The following EHF variants were observed in gnomAD, a reference collection of about 807,000 sequenced individuals.
EHF encodes the protein ESE3 transcription factor.
Under a neutral mutation model 45.1 loss-of-function variants are expected in EHF, and 14 were observed. That is an observed-to-expected ratio of 0.31 (90% CI 0.21 to 0.49). The LOEUF (loss-of-function observed/expected upper bound fraction) is 0.49. Ranked by LOEUF, EHF falls within the 20% of genes least tolerant of loss-of-function variation. The pLI, the probability that EHF is intolerant of heterozygous loss-of-function variation, is 0.99. For missense variants in EHF, 282 were observed against 371.4 expected, an observed-to-expected ratio of 0.76 and a Z score of 1.98; for synonymous variants, 136 against 131.8, an observed-to-expected ratio of 1.03 and a Z score of -0.22.
chr11:34,638,045 G>T (rs1853622082), intron 1 of EHF, among the ~76,000 whole-genome samples: 1 of 152,030 alleles, frequency 6.6e-6, no homozygotes, highest in South Asian at 2.1e-4. Context: ...GGGATTACAG[G>T]CATGCACCAC....
At chr11:34,656,879 A>C in intron 6 of EHF, 29 bp from the exon 7 acceptor site, 1 of 1,610,354 alleles carries the variant, frequency 6.2e-7, no homozygotes, top group Non-Finnish European at 8.5e-7. Context: ...GAAATAGGTC[A>C]ATTAAACGCC....
chr11:34,628,982 G>A (rs1419031309), intron 1 of EHF, among the ~76,000 whole-genome samples: 1 of 152,166 alleles, frequency 6.6e-6, no homozygotes, highest in Non-Finnish European at 1.5e-5. Flanking sequence ...ACTGAGCTCT[G>A]CAAATGATGT....
chr11:34,636,116 T>G (rs1853377857), intron 1 of EHF, among the ~76,000 whole-genome samples: 1 of 152,138 alleles, frequency 6.6e-6, no homozygotes, highest in South Asian at 2.1e-4. Flanking sequence ...TCCTTGAGAG[T>G]TCAATAAAAT....
At chr11:34,657,801 A>G (rs1259416337) in intron 7 of EHF, among the ~76,000 whole-genome samples, 1 of 151,878 alleles carries the variant, frequency 6.6e-6, no homozygotes, top group Non-Finnish European at 1.5e-5. Context: ...GAAAAAAAAA[A>G]AAGGTATAAT....
chr11:34,636,445 C>T (rs286909), intron 1 of EHF, among the ~76,000 whole-genome samples: 42,231 of 152,120 alleles, frequency 0.28, 5,890 homozygotes, highest in Non-Finnish European at 0.31. Flanking sequence ...TCCCCAGTGC[C>T]AGCCAACACA....
At chr11:34,653,696 A>G (rs1855416094) in intron 6 of EHF, among the ~76,000 whole-genome samples, 1 of 152,228 alleles carries the variant, frequency 6.6e-6, no homozygotes, top group African/African-American at 2.4e-5. Flanking sequence ...TATATGGGTC[A>G]GTTTCTTTCA....
intron 1 of EHF, among the ~76,000 whole-genome samples, chr11:34,635,324 GA>G (rs928805069): frequency 3.7e-4 from 56 of 152,018 alleles, no homozygotes; most frequent in Admixed American, 1.0e-3. Context: ...GGCTTGTTAG[GA>G]ATCCCGAGGC....
intron 1 of EHF, chr11:34,631,603 G>A (rs896631976): frequency 2.0e-6 from 2 of 983,516 alleles, no homozygotes; most frequent in South Asian, 4.7e-5. Flanking sequence ...CAGGAGATGA[G>A]TGGGTCTACA....
At chr11:34,655,264 T>G (rs181668959) in intron 6 of EHF, among the ~76,000 whole-genome samples, 1 of 152,278 alleles carries the variant, frequency 6.6e-6, no homozygotes, top group East Asian at 1.9e-4. Context: ...CATCCTGCCA[T>G]GACGTTTCGA....
intron 1 of EHF, among the ~76,000 whole-genome samples, chr11:34,626,263 C>A (rs993282895): frequency 6.6e-6 from 1 of 152,184 alleles, no homozygotes; most frequent in African/African-American, 2.4e-5. Flanking sequence ...GCCTGTCCAG[C>A]CCTTTCTTAG....
At chr11:34,625,752 C>T (rs889957487) in intron 1 of EHF, among the ~76,000 whole-genome samples, 1 of 152,230 alleles carries the variant, frequency 6.6e-6, no homozygotes, top group Non-Finnish European at 1.5e-5. Flanking sequence ...CGCATTCTGT[C>T]TTTGGTTTGT....
chr11:34,642,737 C>T lies in EHF; in HGVS notation c.97+10C>T, dbSNP rs757641129. Reference sequence around the variant, plus strand: ...TACTCCACGTGCAATGGTAAGAGGGCCTGTGGGTGTTGGTGTCACTGCTGT... The same window carrying T: ...TACTCCACGTGCAATGGTAAGAGGGTCTGTGGGTGTTGGTGTCACTGCTGT... On this transcript the variant is annotated intron_variant, in intron 2 of 8. Transcript: ENST00000257831. 1 of 1,603,446 alleles carries T rather than the reference C, an allele frequency of 6.2e-7. No individual in the cohort carries two copies. The highest frequency in any genetic ancestry group is 2.2e-5 in the East Asian group (1 of 44,784).
intron 1 of EHF, among the ~76,000 whole-genome samples, chr11:34,632,144 G>A (rs117875964): frequency 0.023 from 3,556 of 152,306 alleles, 68 homozygotes; most frequent in Non-Finnish European, 0.039. Flanking sequence ...AAATTGGCAT[G>A]AACACTCAGT....
At chr11:34,641,525 G>T (rs140130484) in intron 1 of EHF, among the ~76,000 whole-genome samples, 1 of 152,092 alleles carries the variant, frequency 6.6e-6, no homozygotes, top group African/African-American at 2.4e-5. Context: ...GGTAATACCC[G>T]AGGATGCAAA....
intron 1 of EHF, among the ~76,000 whole-genome samples, chr11:34,624,588 GAAAC>G (rs1852207405): frequency 6.6e-6 from 1 of 152,184 alleles, no homozygotes; most frequent in African/African-American, 2.4e-5. Flanking sequence ...AGCTGTGCAG[GAAAC>G]AAACAGTGCA....
At position 34,660,060 on chromosome 11, in the gene EHF, A is replaced by C. The variant is rs2134249677; in HGVS notation, c.*1129A>C. The C allele has an allele frequency of 6.6e-6, 1 of 152,252 alleles. No individual in the cohort carries two copies. Among genetic ancestry groups the C allele is most frequent in the Non-Finnish European group, 1.5e-5 (1 of 68,010 alleles). The allele number at this position is 152,252 out of a possible 1,614,324, so 9.4% of individuals were successfully genotyped here. A position where few individuals can be genotyped will look rare whatever the true frequency, so the allele number is the denominator to read the frequency against. On this transcript the variant is annotated 3_prime_UTR_variant, in exon 9 of 9. Coordinates refer to ENST00000257831, the MANE Select transcript of EHF (RefSeq NM_012153.6). The stretch of plus-strand genomic sequence containing the variant: ...TTATTCTCAGAAGAAAAAGATATGT[A>C]AGGTCTTTTAGCTCCTTAGAGTGAA...
At chr11:34,655,678 T>G (rs1161774571) in intron 6 of EHF, among the ~76,000 whole-genome samples, 1 of 152,204 alleles carries the variant, frequency 6.6e-6, no homozygotes, top group East Asian at 1.9e-4. Context: ...TTAAATAAAG[T>G]GATTCATTTA....
intron 1 of EHF, among the ~76,000 whole-genome samples, chr11:34,632,992 T>C (rs2134020811): frequency 6.6e-6 from 1 of 152,276 alleles, no homozygotes; most frequent in South Asian, 2.1e-4. Context: ...TTGTCTTCTG[T>C]ATGAGGGCTT....
chr11:34,637,179 C>T (rs999413224), intron 1 of EHF, among the ~76,000 whole-genome samples: 3 of 152,090 alleles, frequency 2.0e-5, no homozygotes, highest in Admixed American at 6.6e-5. Flanking sequence ...TATTTGCCAC[C>T]GACCAGCAGC....
Sources: allele counts gnomAD v4.1 joint callset (sites outside exome capture counted in the v4.1 genomes callset), GRCh38; gene constraint gnomAD v4.1.1; transcripts MANE v1.5; gene names NCBI Gene and HGNC (gene_info 2026-07-23, HGNC 2026-07-21).